Variants in KIF26B observed in about 807,000 individuals in gnomAD.
KIF26B encodes the protein kinesin family member 26B.
A neutral mutation model predicts 151.2 loss-of-function variants in KIF26B; 63 were observed. That is an observed-to-expected ratio of 0.42 (90% CI 0.34 to 0.51). The LOEUF is 0.51. Among genes scored for constraint, KIF26B ranks in the 20% least tolerant of loss-of-function variants. KIF26B has a pLI of 0.07. For synonymous variants in KIF26B, 1,357 were observed against 1,262.1 expected, an observed-to-expected ratio of 1.08 and a Z score of -1.59; for missense variants, 2,813 against 2,913.6, an observed-to-expected ratio of 0.97 and a Z score of 0.79.
At chr1:245,643,561 C>T (rs1049194425) in intron 9 of KIF26B, among the ~76,000 whole-genome samples, 10 of 152,186 alleles carry the variant, frequency 6.6e-5, no homozygotes, top group East Asian at 1.9e-4. Flanking sequence ...ATCATTCACA[C>T]GTTACATTAT....
At chr1:245,486,191 C>G (rs991131364) in intron 4 of KIF26B, among the ~76,000 whole-genome samples, 4 of 152,154 alleles carry the variant, frequency 2.6e-5, no homozygotes, top group Admixed American at 6.5e-5. Flanking sequence ...GTAATAGTTC[C>G]CTTTTGTCCA....
intron 2 of KIF26B, among the ~76,000 whole-genome samples, chr1:245,208,192 T>C (rs901884439): frequency 2.0e-5 from 3 of 152,186 alleles, no homozygotes; most frequent in African/African-American, 7.2e-5. Flanking sequence ...GGGACTCTAC[T>C]TGGCTGGGGG....
At chr1:245,430,321 T>C (rs1009384871) in intron 4 of KIF26B, among the ~76,000 whole-genome samples, 5 of 151,930 alleles carry the variant, frequency 3.3e-5, no homozygotes, top group African/African-American at 1.2e-4. Flanking sequence ...CCTAATACAG[T>C]ACCGCTATAA....
intron 2 of KIF26B, among the ~76,000 whole-genome samples, chr1:245,228,579 AAC>A (rs1669926065): frequency 2.0e-5 from 3 of 152,196 alleles, no homozygotes; most frequent in Admixed American, 1.3e-4. Flanking sequence ...AAAAAAAAAA[AAC>A]AAAAGGCAGT....
chr1:245,174,456 C>A (rs6691164), intron 2 of KIF26B, among the ~76,000 whole-genome samples: 101 of 152,108 alleles, frequency 6.6e-4, no homozygotes, highest in South Asian at 6.2e-3. Context: ...ACAGAGAGAC[C>A]AAGAAACTCT....
intron 2 of KIF26B, among the ~76,000 whole-genome samples, chr1:245,348,905 T>G (rs1467214008): frequency 3.3e-5 from 5 of 152,232 alleles, no homozygotes; most frequent in Non-Finnish European, 5.9e-5. Context: ...CCTTCCGGTC[T>G]CTGCTCCAGT....
chr1:245,312,046 A>G (rs1671675772), intron 2 of KIF26B, among the ~76,000 whole-genome samples: 1 of 152,214 alleles, frequency 6.6e-6, no homozygotes, highest in African/African-American at 2.4e-5. Flanking sequence ...CTGATGGCTT[A>G]GTCATCCTAT....
At chr1:245,663,388 TC>T (rs1351689054) in intron 10 of KIF26B, among the ~76,000 whole-genome samples, 4 of 41,496 alleles carry the variant, frequency 9.6e-5, no homozygotes, top group East Asian at 6.0e-4. Flanking sequence ...TCATTTGTGA[TC>T]ATTTTTTTTT....
At chr1:245,293,973 T>C (rs899439757) in intron 2 of KIF26B, among the ~76,000 whole-genome samples, 1 of 152,228 alleles carries the variant, frequency 6.6e-6, no homozygotes, top group Non-Finnish European at 1.5e-5. Context: ...TGAATAAGTC[T>C]TTGAATTTGC....
intron 2 of KIF26B, among the ~76,000 whole-genome samples, chr1:245,229,003 G>A (rs1277191713): frequency 3.3e-5 from 5 of 152,042 alleles, no homozygotes; most frequent in African/African-American, 1.2e-4. Flanking sequence ...GTCTCGTTCT[G>A]TTGCCCAGGC....
At chr1:245,700,178 T>G (rs1219934303) in intron 14 of KIF26B, among the ~76,000 whole-genome samples, 1 of 152,192 alleles carries the variant, frequency 6.6e-6, no homozygotes, top group Non-Finnish European at 1.5e-5. Context: ...GCTGGCTTTC[T>G]CACATACTAG....
At chr1:245,407,829 T>C (rs1674173343) in intron 3 of KIF26B, among the ~76,000 whole-genome samples, 1 of 152,120 alleles carries the variant, frequency 6.6e-6, no homozygotes, top group African/African-American at 2.4e-5. Context: ...GGTCCTAAGG[T>C]TGACTATTTA....
At chr1:245,437,620 G>GT (rs1200103712) in intron 4 of KIF26B, among the ~76,000 whole-genome samples, 1 of 152,172 alleles carries the variant, frequency 6.6e-6, no homozygotes, top group African/African-American at 2.4e-5. Context: ...GAAGCAAAGT[G>GT]TTGTTCAAGC....
intron 9 of KIF26B, among the ~76,000 whole-genome samples, chr1:245,620,084 A>T (rs896858223): frequency 6.6e-6 from 1 of 152,090 alleles, no homozygotes; most frequent in African/African-American, 2.4e-5. Context: ...CTGGGCAAGT[A>T]TGTTAGAGGG....
rs753539883 is a variant in KIF26B, at chr1:245,534,487, A to G, written c.1167-6280A>G. ...ACTTTTTGTTTTTTTATAGGTGTTC[A>G]GGAAATATTAATTTCATCCTGCTAG... On this transcript the variant is annotated intron_variant, in intron 4 of 14. Coordinates refer to ENST00000407071, the MANE Select transcript of KIF26B (RefSeq NM_018012.4). Among the ~76,000 whole-genome samples, 6 of 152,198 alleles carry G rather than the reference A, an allele frequency of 3.9e-5. No homozygotes were observed. In the East Asian group the frequency reaches 5.8e-4, roughly 15 times the overall value.
At chr1:245,694,671 T>C (rs2044667888) in intron 12 of KIF26B, among the ~76,000 whole-genome samples, 1 of 152,262 alleles carries the variant, frequency 6.6e-6, no homozygotes, top group South Asian at 2.1e-4. Context: ...GCGACCCCTC[T>C]GACTGCACGC....
At chr1:245,382,167 C>T (rs1000239431) in intron 3 of KIF26B, among the ~76,000 whole-genome samples, 15 of 152,120 alleles carry the variant, frequency 9.9e-5, no homozygotes, top group African/African-American at 3.4e-4. Flanking sequence ...AGTAGCGGCC[C>T]CATTTTACAC....
chr1:245,199,462 C>G (rs1669258317), intron 2 of KIF26B, among the ~76,000 whole-genome samples: 1 of 151,458 alleles, frequency 6.6e-6, no homozygotes, highest in African/African-American at 2.4e-5. Flanking sequence ...TCCATCATAC[C>G]TGTTCATATA....
rs1323824141 is a variant in KIF26B, at chr1:245,707,856, A to G, written c.*5250A>G. ...CTCAGCCTCTTCCTAATGGTTCAAC[A>G]TTCAATTCCTGAGGAAAGTGCTGAT... On this transcript the variant is annotated 3_prime_UTR_variant, in exon 15 of 15. Transcript: ENST00000407071. The G allele has an allele frequency of 6.6e-6, 1 of 152,226 alleles. No homozygotes were observed. Among genetic ancestry groups the G allele is most frequent in the African/African-American group, 2.4e-5 (1 of 41,462 alleles). The allele number at this position is 152,226 out of a possible 1,614,324, so 9.4% of individuals were successfully genotyped here. A position where few individuals can be genotyped will look rare whatever the true frequency, so the allele number is the denominator to read the frequency against.
Sources: allele counts gnomAD v4.1 joint callset (sites outside exome capture counted in the v4.1 genomes callset), GRCh38; gene constraint gnomAD v4.1.1; transcripts MANE v1.5; gene names NCBI Gene and HGNC (gene_info 2026-07-23, HGNC 2026-07-21).